The following SPICE1 variants were observed in gnomAD, a reference collection of about 807,000 sequenced individuals.
SPICE1 encodes the protein spindle and centriole associated protein 1.
A neutral mutation model predicts 102.7 loss-of-function variants in SPICE1; 75 were observed. That is an observed-to-expected ratio of 0.73 (90% CI 0.61 to 0.88). The LOEUF (loss-of-function observed/expected upper bound fraction) is 0.88, where lower values mean the gene tolerates loss of function less well. Among genes scored for constraint, SPICE1 ranks in the 40% least tolerant of loss-of-function variants. The pLI is 0.00. For missense variants in SPICE1, 979 were observed against 1,020.1 expected (o/e 0.96, Z 0.55); for synonymous variants, 308 against 350.3 (o/e 0.88, Z 1.35).
chr3:113,508,548 G>T (rs1937157332), intron 1 of SPICE1, among the ~76,000 whole-genome samples: 1 of 152,156 alleles, frequency 6.6e-6, no homozygotes, highest in African/African-American at 2.4e-5. Flanking sequence ...TTAGGGAAAT[G>T]CCAATCAAGA....
intron 3 of SPICE1, 151 bp from the exon 4 acceptor site, chr3:113,499,733 T>G (rs1936972227): frequency 1.4e-6 from 1 of 715,430 alleles, no homozygotes; most frequent in Non-Finnish European, 2.0e-6. Flanking sequence ...GCCAAAATTT[T>G]CAGTCCCCTA....
chr3:113,496,059 CTTTTTTT>C (rs10557473), intron 4 of SPICE1, among the ~76,000 whole-genome samples: 2 of 82,934 alleles, frequency 2.4e-5, no homozygotes, highest in South Asian at 4.9e-4. Context: ...TTTTTTACAA[CTTTTTTT>C]TTTTTTTTTT....
intron 10 of SPICE1, among the ~76,000 whole-genome samples, chr3:113,467,785 G>A (rs1936095117): frequency 6.6e-6 from 1 of 152,272 alleles, no homozygotes; most frequent in South Asian, 2.1e-4. Context: ...AGGAAGCAGA[G>A]AATAGCAATA....
At chr3:113,465,911 A>C in intron 10 of SPICE1, 127 bp from the exon 11 acceptor site, 1 of 823,684 alleles carries the variant, frequency 1.2e-6, no homozygotes, top group Non-Finnish European at 1.8e-6. Context: ...AATGATGAAG[A>C]GTTTTATTAA....
intron 14 of SPICE1, 127 bp from the exon 15 acceptor site, chr3:113,450,643 C>G: frequency 1.1e-6 from 1 of 888,470 alleles, no homozygotes; most frequent in South Asian, 2.1e-5. Flanking sequence ...GTGGCGCTAT[C>G]TCGGCTCACT....
Position 113,468,151 on chromosome 3 carries a change from C to G in SPICE1, c.1143G>C (p.Arg381=). ...SLVSSLCRLV[R]YLKESEIQLR... ...CTAATGTCCTTACCTCTTTAAGGTA[C>G]CGAACCAGGCGACAGAGGGAGCTCA... is the stretch of plus-strand genomic sequence containing the variant. Residue 381 remains arginine, a synonymous_variant, in exon 10 of 18, where the codon CGG becomes CGC. Transcript: ENST00000295872. 6.2e-7 allele frequency: 1 copy of G among 1,614,174 alleles called. No homozygotes were observed. The highest frequency in any genetic ancestry group is 8.5e-7 in the Non-Finnish European group (1 of 1,180,034).
At chr3:113,474,310 A>C (rs1936284522) in intron 7 of SPICE1, among the ~76,000 whole-genome samples, 1 of 152,142 alleles carries the variant, frequency 6.6e-6, no homozygotes, top group African/African-American at 2.4e-5. Flanking sequence ...ACCTACAAAG[A>C]GACTTAGACT....
chr3:113,507,278 A>G (rs1222699279), intron 1 of SPICE1, among the ~76,000 whole-genome samples: 1 of 152,158 alleles, frequency 6.6e-6, no homozygotes, highest in African/African-American at 2.4e-5. Flanking sequence ...ACACTAGACT[A>G]CACATTACAC....
intron 3 of SPICE1, among the ~76,000 whole-genome samples, chr3:113,499,922 A>C (rs1936975776): frequency 6.6e-6 from 1 of 152,198 alleles, no homozygotes; most frequent in Admixed American, 6.5e-5. Context: ...TCATGGGTCA[A>C]AACCAGCATT....
In SPICE1 at chr3:113,443,738, A is replaced by C. The variant is rs747585352; in HGVS notation, c.*1569T>G. On this transcript the variant is annotated 3_prime_UTR_variant, in exon 18 of 18. Coordinates refer to ENST00000295872, the MANE Select transcript of SPICE1 (RefSeq NM_144718.4). ...TCCCATTCTAATGCCACCACTCCCT[A>C]GTTGTGTGACCTTGAGAAAATACCT... 6.6e-6 allele frequency: 1 copy of C among 152,214 alleles called. No homozygotes were observed. The highest frequency in any genetic ancestry group is 2.4e-5 in the African/African-American group (1 of 41,454). The allele number at this position is 152,214 out of a possible 1,614,324, so 9.4% of individuals were successfully genotyped here.
chr3:113,454,566 A>G (rs1210727455), intron 13 of SPICE1, among the ~76,000 whole-genome samples: 1 of 152,072 alleles, frequency 6.6e-6, no homozygotes, highest in African/African-American at 2.4e-5. Flanking sequence ...TATTTTAAAA[A>G]CTAGCCAGCC....
At chr3:113,503,931 TAAAAAAAAAA>T (rs34217669) in intron 2 of SPICE1, among the ~76,000 whole-genome samples, 5 of 95,500 alleles carry the variant, frequency 5.2e-5, no homozygotes, top group Admixed American at 1.2e-4. Flanking sequence ...AGTTTCTATC[TAAAAAAAAAA>T]AAAAAAAAAA....
intron 11 of SPICE1, among the ~76,000 whole-genome samples, chr3:113,465,151 A>C (rs1001629651): frequency 6.6e-6 from 1 of 152,114 alleles, no homozygotes; most frequent in African/African-American, 2.4e-5. Context: ...GCAGCATGGA[A>C]GCAATAGGTT....
intron 11 of SPICE1, among the ~76,000 whole-genome samples, chr3:113,462,126 C>T (rs1249916528): frequency 3.3e-5 from 5 of 152,186 alleles, no homozygotes; most frequent in African/African-American, 1.2e-4. Flanking sequence ...ATTGGTCAGC[C>T]TTCAAAATAT....
Position 113,514,908 on chromosome 3 carries a change from A to G in SPICE1, c.-12T>C, listed in dbSNP as rs1003683714. ...ACCCTGACACGTACTTGCACTCTCA[A>G]AACACAGAGCCGCGGCTGCGCTTCC... is the stretch of plus-strand genomic sequence containing the variant. On this transcript the variant is annotated 5_prime_UTR_variant, in exon 1 of 18. Transcript: ENST00000295872. 2.6e-6 allele frequency: 3 copies of G among 1,160,848 alleles called. No homozygotes were observed. The African/African-American group carries it at 4.9e-5, about 19-fold the overall frequency. The allele number at this position is 1,160,848 out of a possible 1,614,324, so 71.9% of individuals were successfully genotyped here. A position where few individuals can be genotyped will look rare whatever the true frequency, so the allele number is the denominator to read the frequency against.
At chr3:113,469,829 C>T (rs1025005535) in intron 7 of SPICE1, among the ~76,000 whole-genome samples, 2 of 152,252 alleles carry the variant, frequency 1.3e-5, no homozygotes, top group African/African-American at 4.8e-5. Flanking sequence ...CCATCCTCCT[C>T]TCTCTTTCTC....
intron 17 of SPICE1, 104 bp from the exon 18 acceptor site, chr3:113,445,464 T>C (rs1935491427): frequency 2.2e-6 from 2 of 894,396 alleles, no homozygotes; most frequent in Non-Finnish European, 3.6e-6. Flanking sequence ...AAAGTCATCC[T>C]GTGCCATTGA....
chr3:113,445,662 G>C lies in SPICE1; in HGVS notation c.2515-302C>G, dbSNP rs537101907. Among the ~76,000 whole-genome samples the C allele has an allele frequency of 1.1e-3, 165 of 152,192 alleles. 1 individual carries two copies. The highest frequency in any genetic ancestry group is 3.9e-3 in the African/African-American group (160 of 41,536). ...ATAAAAAGGCAGTTATTTGGTCTTA[G>C]TAAATTAAATGCTACTAAATTCCAG... On this transcript the variant is annotated intron_variant, in intron 17 of 17. Coordinates refer to ENST00000295872, the MANE Select transcript of SPICE1 (RefSeq NM_144718.4).
At chr3:113,499,417 C>T (rs1241011642) in intron 4 of SPICE1, 22 bp downstream of exon 4, 3 of 1,600,546 alleles carry the variant, frequency 1.9e-6, no homozygotes, top group Admixed American at 1.8e-5. Context: ...TTCTTTCTAA[C>T]TCTAATGCAG....
Sources: allele counts gnomAD v4.1 joint callset (sites outside exome capture counted in the v4.1 genomes callset), GRCh38; gene constraint gnomAD v4.1.1; transcripts MANE v1.5; gene names NCBI Gene and HGNC (gene_info 2026-07-23, HGNC 2026-07-21).